Variants in AGBL4 observed in about 807,000 individuals in gnomAD.
AGBL4 encodes the protein AGBL carboxypeptidase 4, also known as cytosolic carboxypeptidase 6.
Under a neutral mutation model 66.4 loss-of-function variants are expected in AGBL4, and 58 were observed. The ratio of observed to expected loss-of-function variants is 0.87; its 90% CI spans 0.71 to 1.09. The LOEUF (loss-of-function observed/expected upper bound fraction) is 1.09. Ranked by LOEUF, AGBL4 falls within the 50% of genes least tolerant of loss-of-function variation. The pLI is 0.00. For missense variants in AGBL4, 579 were observed against 631.0 expected (o/e 0.92, Z 0.88); for synonymous variants, 234 against 222.9 (o/e 1.05, Z -0.44).
chr1:48,748,548 T>C (rs1276149629), intron 6 of AGBL4, among the ~76,000 whole-genome samples: 1 of 152,124 alleles, frequency 6.6e-6, no homozygotes, highest in Non-Finnish European at 1.5e-5. Context: ...GAAATCTTCA[T>C]AAGGACGGTC....
chr1:49,582,335 T>C (rs1240469464), intron 3 of AGBL4, among the ~76,000 whole-genome samples: 1 of 151,828 alleles, frequency 6.6e-6, no homozygotes, highest in Non-Finnish European at 1.5e-5. Flanking sequence ...AAGGTAGGAG[T>C]GGGATCCTGG....
chr1:49,523,405 A>C (rs1215271940), intron 3 of AGBL4, among the ~76,000 whole-genome samples: 1 of 152,110 alleles, frequency 6.6e-6, no homozygotes, highest in East Asian at 1.9e-4. Context: ...CACAGCGCAG[A>C]GTCATAAGGA....
intron 4 of AGBL4, among the ~76,000 whole-genome samples, chr1:49,197,322 T>A (rs1440979058): frequency 6.6e-6 from 1 of 152,174 alleles, no homozygotes; most frequent in Non-Finnish European, 1.5e-5. Flanking sequence ...TGGGGTTGTG[T>A]GAGCAACAGT....
intron 6 of AGBL4, among the ~76,000 whole-genome samples, chr1:48,778,914 AAAAAT>A (rs1645214113): frequency 6.6e-6 from 1 of 152,216 alleles, no homozygotes; most frequent in African/African-American, 2.4e-5. Flanking sequence ...TGGTACAGCC[AAAAAT>A]GACCACCACT....
chr1:49,874,245 C>T (rs534272008), intron 1 of AGBL4, among the ~76,000 whole-genome samples: 1 of 152,164 alleles, frequency 6.6e-6, no homozygotes, highest in South Asian at 2.1e-4. Context: ...AACTATAAAA[C>T]TTCTAGCACA....
intron 1 of AGBL4, among the ~76,000 whole-genome samples, chr1:49,937,707 C>G (rs191856066): frequency 6.6e-6 from 1 of 152,234 alleles, no homozygotes; most frequent in Admixed American, 6.5e-5. Flanking sequence ...AGCTCAACTA[C>G]GTAGAAACTG....
At chr1:49,724,436 G>T (rs1648855699) in intron 2 of AGBL4, among the ~76,000 whole-genome samples, 1 of 152,034 alleles carries the variant, frequency 6.6e-6, no homozygotes, top group Non-Finnish European at 1.5e-5. Context: ...CCTTTCCTTA[G>T]GTTTTATGCT....
At chr1:48,987,883 G>A (rs1660298832) in intron 5 of AGBL4, among the ~76,000 whole-genome samples, 2 of 152,126 alleles carry the variant, frequency 1.3e-5, no homozygotes, top group Non-Finnish European at 2.9e-5. Flanking sequence ...GGGATCCAGT[G>A]TGGTTCTATG....
intron 5 of AGBL4, among the ~76,000 whole-genome samples, chr1:48,906,363 G>A (rs920101746): frequency 1.3e-5 from 2 of 152,192 alleles, no homozygotes; most frequent in African/African-American, 4.8e-5. Flanking sequence ...AGTATGCAGA[G>A]ACAAAAGACA....
intron 3 of AGBL4, among the ~76,000 whole-genome samples, chr1:49,323,527 G>A (rs1645169410): frequency 1.3e-5 from 2 of 149,684 alleles, no homozygotes; most frequent in Non-Finnish European, 3.0e-5. Flanking sequence ...AAACTCCTGG[G>A]CTCAGGCAAT....
intron 5 of AGBL4, among the ~76,000 whole-genome samples, chr1:48,974,128 G>T (rs1427731104): frequency 6.6e-6 from 1 of 152,048 alleles, no homozygotes; most frequent in Non-Finnish European, 1.5e-5. Flanking sequence ...GGTACTCAAG[G>T]GTATGACCTT....
intron 4 of AGBL4, among the ~76,000 whole-genome samples, chr1:49,180,028 A>G (rs1646902394): frequency 6.6e-6 from 1 of 151,842 alleles, no homozygotes; most frequent in African/African-American, 2.4e-5. Flanking sequence ...CAGCCTCCCG[A>G]GTAGCTGGGG....
At position 48,539,752 on chromosome 1, in the gene AGBL4, C is replaced by T; in HGVS notation, c.1268-14G>A. 1.4e-6 allele frequency: 2 copies of T among 1,478,784 alleles called. No homozygotes were observed. The highest frequency in any genetic ancestry group is 1.8e-6 in the Non-Finnish European group (2 of 1,103,062). The allele number at this position is 1,478,784 out of a possible 1,614,324, so 91.6% of individuals were successfully genotyped here. A position where few individuals can be genotyped will look rare whatever the true frequency, so the allele number is the denominator to read the frequency against. On this transcript the variant is annotated splice_polypyrimidine_tract_variant and intron_variant, in intron 11 of 13. Coordinates refer to ENST00000371839, the MANE Select transcript of AGBL4 (RefSeq NM_032785.4). ...CCAGCTTCATATCTGCAGGTGTGTGCATTAAGGAGCAACTTCGAAAACAGA... is the reference window on the plus strand; with the variant it reads ...CCAGCTTCATATCTGCAGGTGTGTGTATTAAGGAGCAACTTCGAAAACAGA...
chr1:49,219,015 T>C (rs907597227), intron 4 of AGBL4, among the ~76,000 whole-genome samples: 12 of 152,228 alleles, frequency 7.9e-5, no homozygotes, highest in African/African-American at 2.9e-4. Context: ...ACTTTATAAA[T>C]TACCCAGTCT....
At chr1:48,585,097 AC>A (rs1557806185) in intron 11 of AGBL4, 1 of 152,170 alleles carries the variant, frequency 6.6e-6, no homozygotes, top group African/African-American at 2.4e-5. Flanking sequence ...TGCTGTGTTT[AC>A]TTTTGATAAA....
rs1324102267 is a variant in AGBL4 at position 48,534,870 on chromosome 1, A to G, written c.1391+20T>C. 1 of 1,550,906 alleles carries G rather than the reference A, an allele frequency of 6.4e-7. No individual in the cohort carries two copies. The highest frequency in any genetic ancestry group is 2.0e-5 in the Admixed American group (1 of 50,978). On this transcript the variant is annotated intron_variant, in intron 13 of 13. Transcript: ENST00000371839. ...TGGTATGTTACTTACGGGCAATGTCATCTTGAAGCAGTTCCTTACCTTCTC... is the reference window on the plus strand; with the variant it reads ...TGGTATGTTACTTACGGGCAATGTCGTCTTGAAGCAGTTCCTTACCTTCTC...
chr1:49,559,729 G>A (rs1643988464), intron 3 of AGBL4, among the ~76,000 whole-genome samples: 1 of 152,074 alleles, frequency 6.6e-6, no homozygotes, highest in Non-Finnish European at 1.5e-5. Flanking sequence ...TTTGCCAGGG[G>A]CTCTTAAGCC....
chr1:49,600,177 T>A (rs1338850683), intron 3 of AGBL4, among the ~76,000 whole-genome samples: 1 of 152,204 alleles, frequency 6.6e-6, no homozygotes, highest in Non-Finnish European at 1.5e-5. Context: ...GTTAATATTC[T>A]GACTCATTGA....
At chr1:49,208,530 G>C (rs1002847481) in intron 4 of AGBL4, among the ~76,000 whole-genome samples, 2 of 152,006 alleles carry the variant, frequency 1.3e-5, no homozygotes, top group East Asian at 3.9e-4. Context: ...AGAACAAGGA[G>C]TTTACCACAG....
Sources: allele counts gnomAD v4.1 joint callset (sites outside exome capture counted in the v4.1 genomes callset), GRCh38; gene constraint gnomAD v4.1.1; transcripts MANE v1.5; gene names NCBI Gene and HGNC (gene_info 2026-07-23, HGNC 2026-07-21).